The following NOL4 variants were observed in gnomAD, a reference collection of about 807,000 sequenced individuals.
NOL4 encodes nucleolar protein 4, also known as cancer/testis antigen 125.
NOL4 carries 17 observed loss-of-function variants against 75.9 expected under a neutral mutation model. The ratio of observed to expected loss-of-function variants is 0.22; its 90% CI spans 0.15 to 0.34. NOL4 has a LOEUF of 0.34. NOL4 is among the 10% of genes least tolerant of loss of function. The probability of loss-of-function intolerance (pLI) is 1.00; values close to 1 mark genes in which losing one functional copy is unlikely to be tolerated. For synonymous variants in NOL4, 292 were observed against 289.9 expected, an observed-to-expected ratio of 1.01 and a Z score of -0.07; for missense variants, 614 against 793.5, an observed-to-expected ratio of 0.77 and a Z score of 2.72.
At chr18:34,165,849 C>T (rs1268119596) in intron 1 of NOL4, among the ~76,000 whole-genome samples, 3 of 151,716 alleles carry the variant, frequency 2.0e-5, no homozygotes, top group Admixed American at 2.0e-4. Context: ...AATAACAATA[C>T]TATATTTTTA....
intron 1 of NOL4, among the ~76,000 whole-genome samples, chr18:34,200,344 G>T (rs922511657): frequency 1.3e-5 from 2 of 151,882 alleles, no homozygotes; most frequent in Admixed American, 1.3e-4. Context: ...GTGCCAGATC[G>T]TAATGTAGTC....
intron 6 of NOL4, among the ~76,000 whole-genome samples, chr18:34,004,364 T>A (rs2073913221): frequency 6.6e-6 from 1 of 152,078 alleles, no homozygotes; most frequent in Non-Finnish European, 1.5e-5. Flanking sequence ...TCAAAATAAA[T>A]CTCTTCAAAT....
intron 9 of NOL4, among the ~76,000 whole-genome samples, chr18:33,917,185 G>T (rs912406884): frequency 6.6e-6 from 1 of 152,152 alleles, no homozygotes; most frequent in East Asian, 1.9e-4. Context: ...CTTTTGTGAG[G>T]TCTTGCAAAA....
At chr18:34,142,923 T>C (rs1043181066) in intron 1 of NOL4, among the ~76,000 whole-genome samples, 2 of 152,070 alleles carry the variant, frequency 1.3e-5, no homozygotes, top group Non-Finnish European at 1.5e-5. Flanking sequence ...ATCAAAAATA[T>C]TCAGGAAAAA....
intron 6 of NOL4, among the ~76,000 whole-genome samples, chr18:33,968,478 T>C (rs1398379960): frequency 2.6e-5 from 4 of 152,262 alleles, no homozygotes; most frequent in South Asian, 4.1e-4. Context: ...TGCTGCAACA[T>C]GGATGCAGCT....
intron 4 of NOL4, among the ~76,000 whole-genome samples, chr18:34,097,629 GTTTTAATTAA>G (rs1223231248): frequency 1.3e-5 from 2 of 152,138 alleles, no homozygotes; most frequent in African/African-American, 4.8e-5. Context: ...TGAATTTTTA[GTTTTAATTAA>G]TTTTAATTAA....
chr18:33,893,553 T>C (rs898767023), intron 9 of NOL4, among the ~76,000 whole-genome samples: 1 of 152,202 alleles, frequency 6.6e-6, no homozygotes, highest in Non-Finnish European at 1.5e-5. Flanking sequence ...AAAAATTGCA[T>C]ATAAAATGTT....
intron 10 of NOL4, among the ~76,000 whole-genome samples, chr18:33,876,507 C>T (rs966353066): frequency 6.6e-6 from 1 of 152,064 alleles, no homozygotes; most frequent in Admixed American, 6.6e-5. Flanking sequence ...TGTCATCCAT[C>T]AGCTATGAGG....
Position 33,868,685 on chromosome 18 carries a change from A to G in NOL4, c.1723+14559T>C, listed in dbSNP as rs189642559. 9.4e-3 allele frequency among the ~76,000 whole-genome samples: 1,416 copies of G among 150,896 alleles called. 24 individuals carry two copies. The highest frequency in any genetic ancestry group is 0.033 in the African/African-American group (1,364 of 41,212). ...CACACACACACACACACACACACACACACACACGTTTATCCCAGAGTGATT... is the reference window on the plus strand; with the variant it reads ...CACACACACACACACACACACACACGCACACACGTTTATCCCAGAGTGATT... On this transcript the variant is annotated intron_variant, in intron 10 of 10. Coordinates refer to ENST00000261592, the MANE Select transcript of NOL4 (RefSeq NM_003787.5).
chr18:33,861,452 T>A (rs1384928661), intron 10 of NOL4, among the ~76,000 whole-genome samples: 1 of 152,206 alleles, frequency 6.6e-6, no homozygotes, highest in Non-Finnish European at 1.5e-5. Context: ...CTGATGGTAG[T>A]TTGTATTTCT....
intron 6 of NOL4, among the ~76,000 whole-genome samples, chr18:33,964,405 T>C (rs1234428354): frequency 6.7e-6 from 1 of 148,494 alleles, no homozygotes; most frequent in African/African-American, 2.5e-5. Context: ...ATGAAGCACA[T>C]GGCACTACTC....
rs527506996 is a variant in NOL4 at position 34,146,619 on chromosome 18, G to C, written c.265-16599C>G. Among the ~76,000 whole-genome samples the C allele has an allele frequency of 2.6e-5, 4 of 152,196 alleles. No individual in the cohort carries two copies. The East Asian group carries it at 5.8e-4, about 22-fold the overall frequency. On this transcript the variant is annotated intron_variant, in intron 1 of 10. Coordinates refer to ENST00000261592, the MANE Select transcript of NOL4 (RefSeq NM_003787.5). ...TTGGTAGCAGTACCACGCTGCTTTG[G>C]TTACTGTAGCCTTGTAGTATAGTCT... is the stretch of plus-strand genomic sequence containing the variant.
At chr18:34,039,914 T>C (rs549486650) in intron 5 of NOL4, among the ~76,000 whole-genome samples, 10 of 152,120 alleles carry the variant, frequency 6.6e-5, no homozygotes, top group South Asian at 4.1e-4. Flanking sequence ...TTGCATGAGA[T>C]ACTCAACATT....
At chr18:33,933,920 T>C (rs796353635) in intron 9 of NOL4, among the ~76,000 whole-genome samples, 3 of 152,258 alleles carry the variant, frequency 2.0e-5, no homozygotes, top group African/African-American at 7.2e-5. Context: ...GGTTTTCAAT[T>C]TCCTTTTCCT....
At chr18:34,094,583 G>T (rs1178288890) in intron 4 of NOL4, among the ~76,000 whole-genome samples, 2 of 152,216 alleles carry the variant, frequency 1.3e-5, no homozygotes, top group Non-Finnish European at 2.9e-5. Context: ...TTCGTTTGGA[G>T]AACTGATTTT....
intron 9 of NOL4, among the ~76,000 whole-genome samples, chr18:33,887,184 T>C (rs1369995257): frequency 6.8e-6 from 1 of 146,526 alleles, no homozygotes; most frequent in Non-Finnish European, 1.5e-5. Flanking sequence ...GTATCTATTA[T>C]ATACCCACAA....
chr18:33,858,938 T>C (rs1463630203), intron 10 of NOL4, among the ~76,000 whole-genome samples: 2 of 152,074 alleles, frequency 1.3e-5, no homozygotes, highest in Non-Finnish European at 2.9e-5. Flanking sequence ...CTCTAAACTT[T>C]CAAGTATAAT....
Position 33,994,295 on chromosome 18 carries a change from T to G in NOL4, c.1056+25023A>C, listed in dbSNP as rs1043762765. ...ACCAGAAGACCTAAAAACAACATTA[T>G]ACTCCAGCTAGACCTAATGGACATT... On this transcript the variant is annotated intron_variant, in intron 6 of 10. Transcript: ENST00000261592. Among the ~76,000 whole-genome samples the G allele has an allele frequency of 7.2e-5, 11 of 151,856 alleles. No homozygotes were observed. In the East Asian group the frequency reaches 2.1e-3, roughly 29 times the overall value.
intron 8 of NOL4, among the ~76,000 whole-genome samples, chr18:33,948,959 A>T (rs1213318036): frequency 6.6e-6 from 1 of 152,096 alleles, no homozygotes. Context: ...TAAACCTAAA[A>T]GATTTTTCAG....
Sources: allele counts gnomAD v4.1 joint callset (sites outside exome capture counted in the v4.1 genomes callset), GRCh38; gene constraint gnomAD v4.1.1; transcripts MANE v1.5; gene names NCBI Gene and HGNC (gene_info 2026-07-23, HGNC 2026-07-21).